TTC3: variants seen among roughly 807,000 people sequenced by gnomAD.
The protein encoded by TTC3 is tetratricopeptide repeat domain 3, also known as E3 ubiquitin-protein ligase TTC3.
TTC3 carries 180 observed loss-of-function variants against 249.6 expected under a neutral mutation model. The ratio of observed to expected loss-of-function variants is 0.72; its 90% confidence interval spans 0.64 to 0.82. TTC3 has a LOEUF of 0.82. TTC3 is among the 40% of genes least tolerant of loss of function. The pLI is 0.00. For missense variants in TTC3, 2,061 were observed against 2,398.4 expected (o/e 0.86, Z 2.94); for synonymous variants, 717 against 805.0 (o/e 0.89, Z 1.85).
At chr21:37,080,873 T>C (rs1319251598) in intron 1 of TTC3, among the ~76,000 whole-genome samples, 1 of 152,148 alleles carries the variant, frequency 6.6e-6, no homozygotes, top group Admixed American at 6.5e-5. Flanking sequence ...ATTTTTCTTT[T>C]AATCTCACCA....
At chr21:37,090,097 T>G in intron 5 of TTC3, 136 bp from the exon 6 acceptor site, 1 of 548,410 alleles carries the variant, frequency 1.8e-6, no homozygotes, top group Non-Finnish European at 3.1e-6. Flanking sequence ...GGTAACTTGG[T>G]CATGTAAATG....
chr21:37,073,538 G>T, intron 1 of TTC3, 65 bp downstream of exon 1: 1 of 806,726 alleles, frequency 1.2e-6, no homozygotes, highest in Non-Finnish European at 1.4e-6. Context: ...GTCTGCATGG[G>T]TTGGGTCCCG....
At chr21:37,083,302 G>T (rs954758786) in intron 1 of TTC3, 1 of 985,452 alleles carries the variant, frequency 1.0e-6, no homozygotes, top group South Asian at 4.7e-5. Flanking sequence ...GATCACAAAA[G>T]GTCTTCTATG....
exon 43 of TTC3, chr21:37,197,577 C>G (rs762219090): frequency 3.1e-6 from 5 of 1,611,798 alleles, no homozygotes; most frequent in Admixed American, 1.7e-5. Context: ...CAGCACTGAG[C>G]TTGCTGGTTT....
intron 1 of TTC3, among the ~76,000 whole-genome samples, chr21:37,084,953 A>G (rs1175958895): frequency 1.3e-5 from 2 of 152,206 alleles, no homozygotes; most frequent in Non-Finnish European, 2.9e-5. Context: ...AGATCGTGCC[A>G]GTGCACTCCA....
chr21:37,140,123 CGT>C (rs2078301394), intron 19 of TTC3, among the ~76,000 whole-genome samples: 6 of 152,124 alleles, frequency 3.9e-5, no homozygotes, highest in Admixed American at 2.6e-4. Flanking sequence ...AGCTTTCATC[CGT>C]CTTGTGCCAC....
At position 37,166,626 on chromosome 21, in the gene TTC3, A is replaced by G; in HGVS notation, c.4401+11A>G. ...ATGGTTGCCATACAGGTAAGAGTTAAATAGAAAAGTCTTCTTAATACTGAA... is the reference window on the plus strand; with the variant it reads ...ATGGTTGCCATACAGGTAAGAGTTAGATAGAAAAGTCTTCTTAATACTGAA... On this transcript the variant is annotated intron_variant, in intron 33 of 45. Transcript: ENST00000355666. 6.3e-7 allele frequency: 1 copy of G among 1,587,508 alleles called. No individual in the cohort carries two copies. The highest frequency in any genetic ancestry group is 8.6e-7 in the Non-Finnish European group (1 of 1,165,114).
At chr21:37,152,068 C>CT (rs749547858) in intron 26 of TTC3, 39 bp downstream of exon 26, 18 of 1,513,302 alleles carry the variant, frequency 1.2e-5, no homozygotes, top group Middle Eastern at 1.8e-4. Flanking sequence ...ATAATATACT[C>CT]TCATTTAAAT....
chr21:37,084,891 G>T (rs547651028), intron 1 of TTC3, among the ~76,000 whole-genome samples: 281 of 152,320 alleles, frequency 1.8e-3, no homozygotes, highest in African/African-American at 6.4e-3. Flanking sequence ...TACTTGGGAG[G>T]CTGAGGCAGG....
At chr21:37,138,376 A>G (rs2078148109) in intron 18 of TTC3, among the ~76,000 whole-genome samples, 1 of 152,118 alleles carries the variant, frequency 6.6e-6, no homozygotes, top group African/African-American at 2.4e-5. Context: ...TTATAAATTA[A>G]TCTATTATGA....
chr21:37,182,388 A>G (rs1298897609), intron 35 of TTC3, among the ~76,000 whole-genome samples: 1 of 152,258 alleles, frequency 6.6e-6, no homozygotes, highest in African/African-American at 2.4e-5. Flanking sequence ...TTTAATGACC[A>G]GCAAGAGGAT....
chr21:37,116,492 T>C (rs921376258), intron 11 of TTC3, among the ~76,000 whole-genome samples: 1 of 152,110 alleles, frequency 6.6e-6, no homozygotes, highest in Non-Finnish European at 1.5e-5. Flanking sequence ...TTTCCTAAAT[T>C]ATAAAAATAT....
chr21:37,150,255 T>G (rs945190048), intron 24 of TTC3, 85 bp downstream of exon 24: 28 of 963,870 alleles, frequency 2.9e-5, no homozygotes, highest in Middle Eastern at 4.2e-4. Context: ...GTAGATATCA[T>G]GTAATTTGGA....
At chr21:37,126,253 A>T in intron 15 of TTC3, 110 bp downstream of exon 15, 1 of 777,434 alleles carries the variant, frequency 1.3e-6, no homozygotes, top group Non-Finnish European at 2.0e-6. Context: ...GTTCTCCTTT[A>T]CTTTATAATG....
chr21:37,073,335 G>A (rs1377533139), exon 1 of TTC3: 3 of 606,750 alleles, frequency 4.9e-6, no homozygotes, highest in Non-Finnish European at 6.2e-6. Context: ...GCTGCTGCCC[G>A]CGTCCGAGGC....
At chr21:37,153,898 A>G (rs899348561) in intron 27 of TTC3, among the ~76,000 whole-genome samples, 1 of 152,234 alleles carries the variant, frequency 6.6e-6, no homozygotes, top group Non-Finnish European at 1.5e-5. Flanking sequence ...TAAGAGGAAC[A>G]TATCCTAGGG....
rs1015105577 is a variant in TTC3, at chr21:37,098,050, G to T, written c.845+1407G>T. The T allele has an allele frequency of 2.0e-5, 13 of 649,212 alleles. No individual in the cohort carries two copies. The Middle Eastern group carries it at 1.5e-3, about 74-fold the overall frequency. 40.2% of individuals were successfully genotyped at this position (649,212 alleles called of 1,614,324 possible). On this transcript the variant is annotated intron_variant, in intron 10 of 45. Coordinates refer to ENST00000355666, the Ensembl canonical transcript of TTC3. ...CAGCTTTTAGATGGCTTAAGCCGTG[G>T]ATAAACCGAGGCTATCTAGACTAGA...
intron 20 of TTC3, among the ~76,000 whole-genome samples, chr21:37,142,229 T>C (rs2078541496): frequency 6.6e-6 from 1 of 152,180 alleles, no homozygotes; most frequent in African/African-American, 2.4e-5. Context: ...CTATTCAACA[T>C]AGTGTCGGAA....
intron 16 of TTC3, among the ~76,000 whole-genome samples, chr21:37,132,390 G>T (rs1380222199): frequency 6.7e-6 from 1 of 150,250 alleles, no homozygotes; most frequent in Non-Finnish European, 1.5e-5. Flanking sequence ...GAGTGCAGTG[G>T]TAAGATCTCG....
Sources: allele counts gnomAD v4.1 joint callset (sites outside exome capture counted in the v4.1 genomes callset), GRCh38; gene constraint gnomAD v4.1.1; transcripts MANE v1.5; gene names NCBI Gene and HGNC (gene_info 2026-07-23, HGNC 2026-07-21).